ACADSB: variants seen among roughly 807,000 people sequenced by gnomAD.
The protein encoded by ACADSB is acyl-CoA dehydrogenase short/branched chain.
Under a neutral mutation model 54.1 loss-of-function variants are expected in ACADSB, and 40 were observed. That is an observed-to-expected ratio of 0.74 (90% CI 0.57 to 0.96). The LOEUF is 0.96. Ranked by LOEUF, ACADSB falls within the 40% of genes least tolerant of loss-of-function variation. ACADSB has a pLI of 0.00. For missense variants in ACADSB, 530 were observed against 510.4 expected (o/e 1.04, Z -0.37); for synonymous variants, 182 against 182.8 (o/e 1.00, Z 0.03).
chr10:123,032,111 C>G (rs923977474), intron 1 of ACADSB, among the ~76,000 whole-genome samples: 4 of 151,950 alleles, frequency 2.6e-5, no homozygotes, highest in Non-Finnish European at 5.9e-5. Context: ...TCCCGAGTAG[C>G]TGGGATTACA....
chr10:123,032,419 G>T (rs1214751183), intron 1 of ACADSB, among the ~76,000 whole-genome samples: 1 of 152,084 alleles, frequency 6.6e-6, no homozygotes, highest in African/African-American at 2.4e-5. Flanking sequence ...TATAGTTTTT[G>T]AAATGTAATA....
intron 8 of ACADSB, among the ~76,000 whole-genome samples, chr10:123,048,316 G>C (rs1850586867): frequency 6.6e-6 from 1 of 152,162 alleles, no homozygotes; most frequent in Non-Finnish European, 1.5e-5. Flanking sequence ...TGGCAGGCCT[G>C]GCCAGTGCCT....
intron 8 of ACADSB, 47 bp downstream of exon 8, chr10:123,047,345 TC>T (rs1215847735): frequency 7.6e-7 from 1 of 1,318,424 alleles, no homozygotes; most frequent in African/African-American, 1.4e-5. Context: ...TTCCCCAGCT[TC>T]CTGTTAATGA....
intron 1 of ACADSB, among the ~76,000 whole-genome samples, chr10:123,024,314 T>A (rs567253572): frequency 6.6e-6 from 1 of 152,228 alleles, no homozygotes; most frequent in East Asian, 1.9e-4. Context: ...CTGCGCCACA[T>A]GTAGGGATTA....
intron 1 of ACADSB, among the ~76,000 whole-genome samples, chr10:123,017,174 C>T (rs1299700813): frequency 6.6e-6 from 1 of 152,058 alleles, no homozygotes; most frequent in Non-Finnish European, 1.5e-5. Context: ...ATTTAAACTC[C>T]ATAATAGTCC....
chr10:123,022,927 T>C (rs1850201047), intron 1 of ACADSB, among the ~76,000 whole-genome samples: 1 of 152,214 alleles, frequency 6.6e-6, no homozygotes, highest in Non-Finnish European at 1.5e-5. Context: ...CCTAAAACAT[T>C]TATCCCATTT....
intron 2 of ACADSB, among the ~76,000 whole-genome samples, chr10:123,036,834 G>A (rs962924135): frequency 6.6e-6 from 1 of 152,148 alleles, no homozygotes; most frequent in Non-Finnish European, 1.5e-5. Flanking sequence ...GCTGGACAAG[G>A]GAAGGGAAGA....
chr10:123,041,289 T>C lies in ACADSB; in HGVS notation c.591T>C (p.Asp197=). 1 of 1,614,178 alleles carries C rather than the reference T, an allele frequency of 6.2e-7. No homozygotes were observed. Among genetic ancestry groups the C allele is most frequent in the Non-Finnish European group, 8.5e-7 (1 of 1,180,018 alleles). ...AGACCAGAGCTGATAAAGAGGGAGA[T>C]TATTATGTCCTCAATGGATCAAAGA... is the stretch of plus-strand genomic sequence containing the variant. ...ALKTRADKEG[D]YYVLNGSKMW... Residue 197 remains aspartate, a synonymous_variant, in exon 5 of 11, where the codon GAT becomes GAC. Transcript: ENST00000358776.
chr10:123,012,581 G>C (rs1440292717), intron 1 of ACADSB, among the ~76,000 whole-genome samples: 1 of 152,068 alleles, frequency 6.6e-6, no homozygotes, highest in Admixed American at 6.5e-5. Context: ...CCTTCTGGTG[G>C]GTTTGTGGTG....
At chr10:123,020,758 A>C (rs963317545) in intron 1 of ACADSB, among the ~76,000 whole-genome samples, 1 of 152,226 alleles carries the variant, frequency 6.6e-6, no homozygotes, top group African/African-American at 2.4e-5. Flanking sequence ...TTTTACCCCA[A>C]AATGTACTTT....
At chr10:123,009,648 G>T (rs1849982047) in intron 1 of ACADSB, among the ~76,000 whole-genome samples, 1 of 152,184 alleles carries the variant, frequency 6.6e-6, no homozygotes, top group East Asian at 1.9e-4. Flanking sequence ...TGGAGCCTGG[G>T]TATCTTCCGT....
chr10:123,047,187 T>G, intron 7 of ACADSB, 22 bp from the exon 8 acceptor site: 2 of 1,536,014 alleles, frequency 1.3e-6, no homozygotes, highest in Non-Finnish European at 1.8e-6. Context: ...GAAATTCTGA[T>G]CTTATTTTTT....
In ACADSB at chr10:123,057,621, T is replaced by A. The variant is rs1850724945; in HGVS notation, c.*3856T>A. The A allele has an allele frequency of 1.3e-5, 2 of 152,216 alleles. No individual in the cohort carries two copies. The highest frequency in any genetic ancestry group is 4.8e-5 in the African/African-American group (2 of 41,438). The allele number at this position is 152,216 out of a possible 1,614,324, so 9.4% of individuals were successfully genotyped here. On this transcript the variant is annotated 3_prime_UTR_variant, in exon 11 of 11. Transcript: ENST00000358776. ...TTGAGCAGATGTGTGTGGGTGGCAC[T>A]GGATTCCACCCAACTGCCAAGTTAG...
chr10:123,023,716 G>A (rs1294912342), intron 1 of ACADSB, among the ~76,000 whole-genome samples: 1 of 152,164 alleles, frequency 6.6e-6, no homozygotes, highest in Non-Finnish European at 1.5e-5. Context: ...AGCATCCCTC[G>A]CTAACCAGGC....
chr10:123,027,062 A>G (rs1157436752), intron 1 of ACADSB, among the ~76,000 whole-genome samples: 4 of 152,204 alleles, frequency 2.6e-5, no homozygotes, highest in Non-Finnish European at 5.9e-5. Context: ...AATAAGTTCA[A>G]GATTATTACT....
At position 123,048,573 on chromosome 10, in the gene ACADSB, A is replaced by G. The variant is rs543751715; in HGVS notation, c.990+1275A>G. On this transcript the variant is annotated intron_variant, in intron 8 of 10. Transcript: ENST00000358776. ...TTTTGATCTTCTTTATGCACAGGAA[A>G]CTATGTTCTTGTGCATATAGATAGA... Among the ~76,000 whole-genome samples, 860 of 152,226 alleles carry G rather than the reference A, an allele frequency of 5.6e-3. 4 individuals carry two copies. The highest frequency in any genetic ancestry group is 0.017 in the Middle Eastern group (5 of 294).
At chr10:123,028,702 C>T (rs1404726981) in intron 1 of ACADSB, among the ~76,000 whole-genome samples, 1 of 152,074 alleles carries the variant, frequency 6.6e-6, no homozygotes, top group African/African-American at 2.4e-5. Flanking sequence ...AATCCCAAAG[C>T]ATACGTGGTT....
intron 7 of ACADSB, among the ~76,000 whole-genome samples, chr10:123,045,181 T>A (rs1172171551): frequency 3.8e-5 from 3 of 79,474 alleles, no homozygotes; most frequent in Admixed American, 1.3e-4. Context: ...ATTTTTTTTT[T>A]TTTTTTTTTT....
intron 1 of ACADSB, among the ~76,000 whole-genome samples, chr10:123,030,909 G>A (rs1850318127): frequency 6.6e-6 from 1 of 152,124 alleles, no homozygotes; most frequent in South Asian, 2.1e-4. Context: ...GATTCAAAAT[G>A]CATAAAATAT....
Sources: gnomAD v4.1 joint callset for allele counts (sites outside exome capture counted in the v4.1 genomes callset) on GRCh38, gnomAD v4.1.1 for gene constraint, MANE v1.5 for transcripts, NCBI Gene and HGNC (gene_info 2026-07-23, HGNC 2026-07-21) for gene names.